The following KCNK2 variants were observed in gnomAD, a reference collection of about 807,000 sequenced individuals.
The protein encoded by KCNK2 is potassium two pore domain channel subfamily K member 2.
Under a neutral mutation model 40.5 loss-of-function variants are expected in KCNK2, and 21 were observed. The ratio of observed to expected loss-of-function variants is 0.52; its 90% CI spans 0.37 to 0.75. KCNK2 has a LOEUF of 0.75. KCNK2 is among the 30% of genes least tolerant of loss of function. The probability of loss-of-function intolerance (pLI) is 0.00; values close to 1 mark genes in which losing one functional copy is unlikely to be tolerated. For missense variants in KCNK2, 399 were observed against 531.6 expected, an observed-to-expected ratio of 0.75 and a Z score of 2.45; for synonymous variants, 191 against 202.2, an observed-to-expected ratio of 0.94 and a Z score of 0.47.
chr1:215,158,331 A>G lies in KCNK2; in HGVS notation c.476-10868A>G, dbSNP rs2102620926. 2.6e-5 allele frequency among the ~76,000 whole-genome samples: 4 copies of G among 152,236 alleles called. No homozygotes were observed. The South Asian group carries it at 8.3e-4, about 32-fold the overall frequency. On this transcript the variant is annotated intron_variant, in intron 3 of 6. Transcript: ENST00000444842. ...TTCTCTTTGGATTTTGGGCCATTTT[A>G]TAGGTGATGTAAATAGACTTCCTGA...
At chr1:215,208,111 G>A (rs1002614516) in intron 6 of KCNK2, among the ~76,000 whole-genome samples, 1 of 152,040 alleles carries the variant, frequency 6.6e-6, no homozygotes, top group East Asian at 1.9e-4. Flanking sequence ...GCAAAGACAT[G>A]GAATCAATGT....
At chr1:215,188,295 C>T (rs1177123644) in intron 5 of KCNK2, among the ~76,000 whole-genome samples, 1 of 152,118 alleles carries the variant, frequency 6.6e-6, no homozygotes, top group Admixed American at 6.6e-5. Context: ...TAAAATTTTT[C>T]CTCTTCTGGC....
At position 215,236,045 on chromosome 1, in the gene KCNK2, A is replaced by AATCTATCTATTATCT. The variant is rs1553277249; in HGVS notation, c.*910_*911insTATCTATCTATCTAT. 1.9e-3 allele frequency: 268 copies of AATCTATCTATTATCT among 144,404 alleles called. No homozygotes were observed. The highest frequency in any genetic ancestry group is 6.6e-3 in the African/African-American group (250 of 37,730). 8.9% of individuals were successfully genotyped at this position (144,404 alleles called of 1,614,324 possible). A position where few individuals can be genotyped will look rare whatever the true frequency, so the allele number is the denominator to read the frequency against. The stretch of plus-strand genomic sequence containing the variant: ...TACATTTTTAAAGGCAGAAGAAGAA[A>AATCTATCTATTATCT]ATCTATCTATCTATCTATCTATCTA... On this transcript the variant is annotated 3_prime_UTR_variant, in exon 7 of 7. Coordinates refer to ENST00000444842, the MANE Select transcript of KCNK2 (RefSeq NM_001017425.3).
chr1:215,020,853 C>T lies in KCNK2; in HGVS notation c.34+14898C>T, dbSNP rs565002470. 2.6e-5 allele frequency among the ~76,000 whole-genome samples: 4 copies of T among 152,272 alleles called. No individual in the cohort carries two copies. In the East Asian group the frequency reaches 5.8e-4, roughly 22 times the overall value. On this transcript the variant is annotated intron_variant, in intron 1 of 6. Transcript: ENST00000391895. ...CATTCTCGCCATATACTGTCAGATG[C>T]ATTATTGGGATTAAAGACTCTCCAA...
intron 3 of KCNK2, among the ~76,000 whole-genome samples, chr1:215,163,967 T>G (rs569634344): frequency 6.6e-6 from 1 of 152,278 alleles, no homozygotes; most frequent in East Asian, 1.9e-4. Context: ...TCTTTTTCTA[T>G]TGTTTGGAAT....
In KCNK2 at chr1:215,070,246, T is replaced by TAA. The variant is rs11452009; in HGVS notation, c.35-16115_35-16114dup. 3.1e-3 allele frequency among the ~76,000 whole-genome samples: 470 copies of TAA among 149,772 alleles called. 4 individuals carry two copies. In the South Asian group the frequency reaches 0.037, roughly 12 times the overall value. On this transcript the variant is annotated intron_variant, in intron 1 of 6. Transcript: ENST00000391895. ...TAACATGGTGAAACCCCATCTCTGC[T>TAA]AAAAAAAACACAAAAAGAAATTAGC...
intron 1 of KCNK2, among the ~76,000 whole-genome samples, chr1:215,012,979 GTTTTC>G (rs895329175): frequency 4.6e-5 from 7 of 151,640 alleles, no homozygotes; most frequent in African/African-American, 1.5e-4. Context: ...TATTTTTTGT[GTTTTC>G]TTTTTTCAGA....
chr1:215,085,455 A>C (rs1659389442), intron 1 of KCNK2, among the ~76,000 whole-genome samples: 2 of 152,210 alleles, frequency 1.3e-5, no homozygotes, highest in Non-Finnish European at 2.9e-5. Flanking sequence ...CAGCTGTGAT[A>C]AATAATAAAT....
chr1:215,124,810 T>G (rs1420836317), intron 3 of KCNK2, 60 bp downstream of exon 3: 1 of 1,034,782 alleles, frequency 9.7e-7, no homozygotes, highest in African/African-American at 1.6e-5. Flanking sequence ...AAAATCCATT[T>G]GTTTGAATTT....
At chr1:215,055,447 T>G (rs1658126364) in intron 1 of KCNK2, among the ~76,000 whole-genome samples, 1 of 152,240 alleles carries the variant, frequency 6.6e-6, no homozygotes, top group Non-Finnish European at 1.5e-5. Flanking sequence ...ACAGAACTGC[T>G]TCTGTAGCTT....
intron 3 of KCNK2, among the ~76,000 whole-genome samples, chr1:215,140,659 G>A (rs1253533838): frequency 6.6e-6 from 1 of 152,126 alleles, no homozygotes; most frequent in Non-Finnish European, 1.5e-5. Context: ...CACTTGTGTA[G>A]GGACTTACCA....
chr1:215,110,276 A>C (rs914373340), intron 2 of KCNK2, among the ~76,000 whole-genome samples: 6 of 152,026 alleles, frequency 3.9e-5, no homozygotes, highest in African/African-American at 1.4e-4. Context: ...CTTAGCCATA[A>C]CATTTTTGCC....
chr1:215,222,734 CT>C (rs5780824), intron 6 of KCNK2, among the ~76,000 whole-genome samples: 277 of 146,464 alleles, frequency 1.9e-3, no homozygotes, highest in African/African-American at 5.2e-3. Context: ...TCCTTTTAGG[CT>C]TTTTTTTTTT....
chr1:215,162,705 A>T (rs1035540772), intron 3 of KCNK2, among the ~76,000 whole-genome samples: 4 of 152,068 alleles, frequency 2.6e-5, no homozygotes, highest in African/African-American at 9.7e-5. Context: ...TGTTTTTGTC[A>T]GGTTTGTCAA....
intron 2 of KCNK2, among the ~76,000 whole-genome samples, chr1:215,092,095 G>T (rs535465984): frequency 6.6e-6 from 1 of 152,314 alleles, no homozygotes; most frequent in East Asian, 1.9e-4. Flanking sequence ...AGAAACAGGG[G>T]AGGCAGGCAG....
intron 1 of KCNK2, among the ~76,000 whole-genome samples, chr1:215,020,003 A>AATTT (rs1656734639): frequency 6.6e-6 from 1 of 152,208 alleles, no homozygotes; most frequent in African/African-American, 2.4e-5. Context: ...TAAACAAGAT[A>AATTT]ATTTATTTCA....
intron 6 of KCNK2, among the ~76,000 whole-genome samples, chr1:215,233,537 T>C (rs1666760020): frequency 1.3e-5 from 2 of 152,142 alleles, no homozygotes; most frequent in African/African-American, 2.4e-5. Context: ...TATCATATTA[T>C]AATATCTATC....
intron 1 of KCNK2, among the ~76,000 whole-genome samples, chr1:215,066,187 C>G (rs1658534311): frequency 6.6e-6 from 1 of 152,074 alleles, no homozygotes; most frequent in Non-Finnish European, 1.5e-5. Context: ...ATGGATACAG[C>G]ACACCACTAT....
chr1:215,167,498 A>G (rs1663500694), intron 3 of KCNK2, among the ~76,000 whole-genome samples: 2 of 152,134 alleles, frequency 1.3e-5, no homozygotes, highest in Non-Finnish European at 1.5e-5. Flanking sequence ...CCAAGCATAT[A>G]TGTGTAGACA....
Sources: allele counts gnomAD v4.1 joint callset (sites outside exome capture counted in the v4.1 genomes callset), GRCh38; gene constraint gnomAD v4.1.1; transcripts MANE v1.5; gene names NCBI Gene and HGNC (gene_info 2026-07-23, HGNC 2026-07-21).